SYTL2: variants seen among roughly 807,000 people sequenced by gnomAD.
SYTL2 encodes the protein synaptotagmin like 2.
In SYTL2, 165 loss-of-function variants were observed where a neutral mutation model predicts 198.7. The ratio of observed to expected loss-of-function variants is 0.83; its 90% CI spans 0.73 to 0.94. SYTL2 has a LOEUF of 0.94. Ranked by LOEUF, SYTL2 falls within the 40% of genes least tolerant of loss-of-function variation. The probability of loss-of-function intolerance (pLI) is 0.00; values close to 1 mark genes in which losing one functional copy is unlikely to be tolerated. For missense variants in SYTL2, 2,835 were observed against 2,582.8 expected (o/e 1.10, Z -2.12); for synonymous variants, 966 against 917.7 (o/e 1.05, Z -0.95).
chr11:85,744,603 A>G (rs955829467), intron 4 of SYTL2, among the ~76,000 whole-genome samples: 1 of 152,202 alleles, frequency 6.6e-6, no homozygotes, highest in Non-Finnish European at 1.5e-5. Context: ...ACTTTAAAAT[A>G]CCTATTGGTA....
chr11:85,722,320 G>C (rs956885722), intron 8 of SYTL2, among the ~76,000 whole-genome samples: 2 of 151,788 alleles, frequency 1.3e-5, no homozygotes, highest in Admixed American at 6.6e-5. Context: ...TGGGACTACA[G>C]CCACCACCAC....
chr11:85,769,493 A>G (rs2092312126), intron 1 of SYTL2, among the ~76,000 whole-genome samples: 1 of 152,208 alleles, frequency 6.6e-6, no homozygotes, highest in Non-Finnish European at 1.5e-5. Context: ...AGCTCTGTTG[A>G]TCTCTTGATT....
At chr11:85,746,307 C>T (rs1287585607) in intron 3 of SYTL2, among the ~76,000 whole-genome samples, 2 of 152,184 alleles carry the variant, frequency 1.3e-5, no homozygotes, top group Admixed American at 1.3e-4. Context: ...ACATATTCTT[C>T]AATCCCAGCT....
At chr11:85,848,478 T>C in the SYTL2 span, among the ~76,000 whole-genome samples, 10 of 152,176 alleles carry the variant, frequency 6.6e-5, no homozygotes, top group Non-Finnish European at 4.4e-5. Flanking sequence ...GTATGGTTTT[T>C]GGTCTGAGTG....
chr11:85,697,287 G>A (rs1298152281), intron 18 of SYTL2, among the ~76,000 whole-genome samples: 2 of 152,118 alleles, frequency 1.3e-5, no homozygotes, highest in African/African-American at 4.8e-5. Context: ...TGATCCGTCC[G>A]CCTTGGCCTC....
chr11:85,767,299 ACATACAC>A (rs2153571633), intron 1 of SYTL2, among the ~76,000 whole-genome samples: 1 of 152,336 alleles, frequency 6.6e-6, no homozygotes, highest in South Asian at 2.1e-4. Context: ...ACCCTCTAGG[ACATACAC>A]AATTTCAACG....
intron 12 of SYTL2, among the ~76,000 whole-genome samples, chr11:85,712,514 A>T (rs1328194402): frequency 6.6e-6 from 1 of 152,110 alleles, no homozygotes; most frequent in Non-Finnish European, 1.5e-5. Context: ...ACTTTCTTTA[A>T]TACCTAGTTC....
chr11:85,728,599 A>C (rs192496475), intron 7 of SYTL2, among the ~76,000 whole-genome samples: 41 of 152,284 alleles, frequency 2.7e-4, no homozygotes, highest in African/African-American at 8.4e-4. Flanking sequence ...GTTACATTTT[A>C]AATGTTAATT....
chr11:85,695,096 T>A lies in SYTL2; in HGVS notation c.*99A>T. On this transcript the variant is annotated 3_prime_UTR_variant, in exon 20 of 20. Coordinates refer to ENST00000359152, the MANE Select transcript of SYTL2 (RefSeq NM_206927.4). Reference sequence around the variant, plus strand: ...GCTGTGTAGTATTCCTTAGGTGCAATAGATAGAAAGTGAGGATATTTGTCC... The same window carrying A: ...GCTGTGTAGTATTCCTTAGGTGCAAAAGATAGAAAGTGAGGATATTTGTCC... 1 of 1,295,260 alleles carries A rather than the reference T, an allele frequency of 7.7e-7. No homozygotes were observed. The highest frequency in any genetic ancestry group is 1.1e-6 in the Non-Finnish European group (1 of 931,204). 80.2% of individuals were successfully genotyped at this position (1,295,260 alleles called of 1,614,324 possible).
chr11:85,785,663 GTCAA>G (rs1334254015), intron 1 of SYTL2, among the ~76,000 whole-genome samples: 1 of 152,134 alleles, frequency 6.6e-6, no homozygotes, highest in Admixed American at 6.6e-5. Flanking sequence ...AACTCTCAAG[GTCAA>G]TCAGAGTCCG....
chr11:85,776,992 CA>C (rs1338076545), intron 1 of SYTL2, among the ~76,000 whole-genome samples: 1 of 152,110 alleles, frequency 6.6e-6, no homozygotes, highest in Non-Finnish European at 1.5e-5. Flanking sequence ...GAGCTTTGGA[CA>C]GGGGGAAAGA....
At chr11:85,853,137 G>A in the SYTL2 span, 471 of 313,374 alleles carry the variant, frequency 1.5e-3, 6 homozygotes, top group African/African-American at 8.5e-3. Context: ...CCCTCTGCCC[G>A]GCCGCCACCC....
chr11:85,815,040 T>C (rs2093059820), upstream of SYTL2, among the ~76,000 whole-genome samples: 1 of 152,144 alleles, frequency 6.6e-6, no homozygotes, highest in South Asian at 2.1e-4. Context: ...GACCCCTTCT[T>C]TCTCTTGTAT....
In SYTL2 at chr11:85,780,724, T is replaced by C. The variant is rs577480439; in HGVS notation, c.-389-22610A>G. On this transcript the variant is annotated intron_variant, in intron 1 of 19. Transcript: ENST00000359152. ...AACTGGTAAATACAAGTAAAGTTTT[T>C]CTCTGAGTTCTGTAACATTCTAGTG... is the stretch of plus-strand genomic sequence containing the variant. Among the ~76,000 whole-genome samples the C allele has an allele frequency of 4.6e-5, 7 of 152,350 alleles. No individual in the cohort carries two copies. In the East Asian group the frequency reaches 1.3e-3, roughly 29 times the overall value.
chr11:85,752,757 A>G (rs2091589688), intron 2 of SYTL2, among the ~76,000 whole-genome samples: 2 of 151,768 alleles, frequency 1.3e-5, no homozygotes, highest in Admixed American at 6.6e-5. Flanking sequence ...TCATCTGTTA[A>G]GTGGATTCAG....
At chr11:85,742,338 A>T (rs80103298) in intron 4 of SYTL2, among the ~76,000 whole-genome samples, 3,731 of 152,302 alleles carry the variant, frequency 0.024, 70 homozygotes, top group Middle Eastern at 0.082. Context: ...ACCAGAACAG[A>T]CCTAATTTGA....
chr11:85,749,404 T>A (rs2091375815), intron 2 of SYTL2, among the ~76,000 whole-genome samples: 1 of 152,192 alleles, frequency 6.6e-6, no homozygotes. Flanking sequence ...GCACTCTTCC[T>A]CAATTAGCAA....
At position 85,789,869 on chromosome 11, in the gene SYTL2, A is replaced by C. The variant is rs143409080; in HGVS notation, c.-390+21085T>G. ...TTATGATTTCTATTATTGAAATAAG[A>C]ATGTATACAGTATAGATCCTTCAAA... On this transcript the variant is annotated intron_variant, in intron 1 of 19. Transcript: ENST00000359152. Among the ~76,000 whole-genome samples, 893 of 152,222 alleles carry C rather than the reference A, an allele frequency of 5.9e-3. 2 individuals carry two copies. Among genetic ancestry groups the C allele is most frequent in the Middle Eastern group, 0.01 (3 of 294 alleles).
chr11:85,755,566 G>A (rs148678912), intron 2 of SYTL2, among the ~76,000 whole-genome samples: 10 of 152,254 alleles, frequency 6.6e-5, no homozygotes, highest in African/African-American at 9.6e-5. Context: ...CACCATTTTC[G>A]CTGAAGTTGT....
Sources: allele counts gnomAD v4.1 joint callset (sites outside exome capture counted in the v4.1 genomes callset), GRCh38; gene constraint gnomAD v4.1.1; transcripts MANE v1.5; gene names NCBI Gene and HGNC (gene_info 2026-07-23, HGNC 2026-07-21).